The following SMIM36 variants were observed in gnomAD, a reference collection of about 807,000 sequenced individuals.
SMIM36 encodes the protein small integral membrane protein 36.
upstream of SMIM36, among the ~76,000 whole-genome samples, chr17:55,513,766 A>G (rs1348396464): frequency 1.3e-5 from 2 of 152,236 alleles, no homozygotes; most frequent in Non-Finnish European, 2.9e-5. Context: ...TTTAGTCCAC[A>G]TTAAATTAAA....
intron 1 of SMIM36, among the ~76,000 whole-genome samples, chr17:55,499,701 C>CAT (rs1909874251): frequency 6.6e-6 from 1 of 152,032 alleles, no homozygotes; most frequent in African/African-American, 2.4e-5. Context: ...TGAATTAAAA[C>CAT]ATACTGGAAA....
intron 4 of SMIM36, among the ~76,000 whole-genome samples, chr17:55,460,214 G>A (rs1258427366): frequency 6.6e-6 from 1 of 152,006 alleles, no homozygotes; most frequent in Non-Finnish European, 1.5e-5. Flanking sequence ...TGGATCACAA[G>A]GTCAGGAGTT....
chr17:55,460,436 A>AAAC (rs1209840116), intron 4 of SMIM36, among the ~76,000 whole-genome samples: 4 of 94,312 alleles, frequency 4.2e-5, no homozygotes, highest in African/African-American at 1.4e-4. Flanking sequence ...CTGGAAACAA[A>AAAC]AAACAAAAAA....
intron 1 of SMIM36, among the ~76,000 whole-genome samples, chr17:55,485,867 T>C (rs945142641): frequency 6.6e-6 from 1 of 152,052 alleles, no homozygotes; most frequent in African/African-American, 2.4e-5. Context: ...AAAGCTAGAG[T>C]TTGAACTAGG....
At chr17:55,529,786 G>A in the SMIM36 span, among the ~76,000 whole-genome samples, 1 of 148,092 alleles carries the variant, frequency 6.8e-6, no homozygotes, top group African/African-American at 2.6e-5. Flanking sequence ...CCCAGACCCT[G>A]TCCGAAAAAC....
chr17:55,488,384 C>T (rs1055498727), intron 1 of SMIM36, among the ~76,000 whole-genome samples: 40 of 152,316 alleles, frequency 2.6e-4, no homozygotes, highest in African/African-American at 8.9e-4. Context: ...AATAGAGATT[C>T]ATTGTAGAAA....
chr17:55,455,176 G>T (rs1385215701), intron 4 of SMIM36, among the ~76,000 whole-genome samples: 1 of 152,226 alleles, frequency 6.6e-6, no homozygotes, highest in Non-Finnish European at 1.5e-5. Flanking sequence ...CCAATGCTGA[G>T]TAAGTGCAAG....
chr17:55,510,150 G>A (rs1372327768), intron 1 of SMIM36, among the ~76,000 whole-genome samples: 1 of 151,976 alleles, frequency 6.6e-6, no homozygotes, highest in Non-Finnish European at 1.5e-5. Context: ...CTTAACCATG[G>A]CCACACAGCT....
At chr17:55,522,879 T>C in the SMIM36 span, among the ~76,000 whole-genome samples, 1 of 152,172 alleles carries the variant, frequency 6.6e-6, no homozygotes, top group South Asian at 2.1e-4. Context: ...TGTATCCCTG[T>C]ACACGGGCCC....
At chr17:55,463,032 A>G (rs758782278) in intron 4 of SMIM36, among the ~76,000 whole-genome samples, 3 of 152,156 alleles carry the variant, frequency 2.0e-5, no homozygotes, top group Non-Finnish European at 4.4e-5. Flanking sequence ...TCAGAAGGAA[A>G]AGGTATTTTT....
chr17:55,468,936 G>A (rs866745520), intron 3 of SMIM36, among the ~76,000 whole-genome samples: 13 of 152,084 alleles, frequency 8.5e-5, no homozygotes, highest in Non-Finnish European at 1.2e-4. Flanking sequence ...AATGTATGTC[G>A]TAAAATGGGC....
chr17:55,518,982 C>A, the SMIM36 span, among the ~76,000 whole-genome samples: 1 of 148,664 alleles, frequency 6.7e-6, no homozygotes, highest in Non-Finnish European at 1.5e-5. Flanking sequence ...TTTGTTTCAT[C>A]TGATATTTGG....
At chr17:55,478,295 G>A (rs949626237) in intron 3 of SMIM36, among the ~76,000 whole-genome samples, 2 of 150,928 alleles carry the variant, frequency 1.3e-5, no homozygotes, top group Non-Finnish European at 2.9e-5. Context: ...GTTCAGTGGT[G>A]TGATCTTGGC....
At chr17:55,466,107 G>A (rs751296333) in intron 4 of SMIM36, among the ~76,000 whole-genome samples, 9 of 151,670 alleles carry the variant, frequency 5.9e-5, no homozygotes, top group South Asian at 2.1e-4. Context: ...GTAAAACCCT[G>A]TCTCTACTAA....
chr17:55,493,032 G>A (rs541472892), intron 1 of SMIM36, among the ~76,000 whole-genome samples: 1 of 152,300 alleles, frequency 6.6e-6, no homozygotes. Context: ...AAACATGTTA[G>A]CAAATGGGGT....
the SMIM36 span, among the ~76,000 whole-genome samples, chr17:55,530,698 A>G: frequency 6.6e-6 from 1 of 151,966 alleles, no homozygotes; most frequent in African/African-American, 2.4e-5. Flanking sequence ...CAGGAGAATC[A>G]CTTGAACCCA....
intron 1 of SMIM36, among the ~76,000 whole-genome samples, chr17:55,499,341 G>C (rs1028395496): frequency 2.0e-5 from 3 of 152,128 alleles, no homozygotes; most frequent in African/African-American, 7.2e-5. Flanking sequence ...TTTAATAGCT[G>C]TGAAAAAACA....
At position 55,500,356 on chromosome 17, in the gene SMIM36, C is replaced by G. The variant is rs575644604; in HGVS notation, c.*174+10523G>C. Among the ~76,000 whole-genome samples, 4 of 152,188 alleles carry G rather than the reference C, an allele frequency of 2.6e-5. No homozygotes were observed. In the South Asian group the frequency reaches 6.2e-4, roughly 24 times the overall value. On this transcript the variant is annotated intron_variant, in intron 1 of 4. Coordinates refer to ENST00000636752, the Ensembl canonical transcript of SMIM36. ...CCCAGGCTGGTCTCAAACTCTTGGTCTCAAGTGATCCTCTTGCCTCAGCTT... is the reference window on the plus strand; with the variant it reads ...CCCAGGCTGGTCTCAAACTCTTGGTGTCAAGTGATCCTCTTGCCTCAGCTT...
At chr17:55,450,806 C>T (rs925393004) in intron 4 of SMIM36, among the ~76,000 whole-genome samples, 3 of 152,238 alleles carry the variant, frequency 2.0e-5, no homozygotes, top group Admixed American at 6.5e-5. Context: ...AGTCCACCAA[C>T]TTTACCTCCA....
Sources: gnomAD v4.1 joint callset for allele counts (sites outside exome capture counted in the v4.1 genomes callset) on GRCh38, gnomAD v4.1.1 for gene constraint, MANE v1.5 for transcripts, NCBI Gene and HGNC (gene_info 2026-07-23, HGNC 2026-07-21) for gene names.